Variants in PRKCH observed in about 807,000 individuals in gnomAD.
The protein encoded by PRKCH is protein kinase C eta type.
Under a neutral mutation model 82.5 loss-of-function variants are expected in PRKCH, and 28 were observed. The observed-to-expected ratio is 0.34, with a 90% CI of 0.25 to 0.47. The LOEUF is 0.47. PRKCH is among the 20% of genes least tolerant of loss of function. The pLI, the probability that PRKCH is intolerant of heterozygous loss-of-function variation, is 1.00. For synonymous variants in PRKCH, 322 were observed against 327.4 expected (o/e 0.98, Z 0.18); for missense variants, 705 against 881.8 (o/e 0.80, Z 2.54).
intron 1 of PRKCH, among the ~76,000 whole-genome samples, chr14:61,352,457 G>A (rs2046090147): frequency 6.6e-6 from 1 of 152,028 alleles, no homozygotes; most frequent in African/African-American, 2.4e-5. Flanking sequence ...GAGGGCAGGG[G>A]TTCAAGACCA....
chr14:61,339,324 CT>C (rs763833426), intron 1 of PRKCH, among the ~76,000 whole-genome samples: 409 of 143,472 alleles, frequency 2.9e-3, no homozygotes, highest in Middle Eastern at 0.011. Context: ...TTAATTGTAA[CT>C]TTTTTTTTTT....
intron 12 of PRKCH, among the ~76,000 whole-genome samples, chr14:61,547,055 T>G (rs1208117904): frequency 6.6e-6 from 1 of 152,224 alleles, no homozygotes; most frequent in Non-Finnish European, 1.5e-5. Flanking sequence ...AGCGCTCGTT[T>G]TAGTTTTTGG....
intron 1 of PRKCH, among the ~76,000 whole-genome samples, chr14:61,389,751 A>G (rs2046646888): frequency 6.6e-6 from 1 of 152,100 alleles, no homozygotes; most frequent in East Asian, 1.9e-4. Context: ...TAGACTTTTC[A>G]GATTGGAAGA....
At chr14:61,446,754 A>G (rs2140281136) in intron 4 of PRKCH, among the ~76,000 whole-genome samples, 1 of 152,376 alleles carries the variant, frequency 6.6e-6, no homozygotes, top group East Asian at 1.9e-4. Context: ...ACTTTGTGGC[A>G]TGGGCCTGTG....
chr14:61,475,704 A>T (rs1021778313), intron 9 of PRKCH, among the ~76,000 whole-genome samples: 11 of 152,270 alleles, frequency 7.2e-5, no homozygotes, highest in Non-Finnish European at 1.5e-4. Context: ...TCAGGAAATA[A>T]TATGCAATAT....
chr14:61,502,623 A>G (rs1886967725), intron 10 of PRKCH, among the ~76,000 whole-genome samples: 1 of 152,144 alleles, frequency 6.6e-6, no homozygotes, highest in Non-Finnish European at 1.5e-5. Context: ...CTTCTGTTGT[A>G]CAGAGTGGAC....
intron 9 of PRKCH, chr14:61,477,118 A>C (rs1344383510): frequency 6.6e-6 from 1 of 152,212 alleles, no homozygotes; most frequent in African/African-American, 2.4e-5. Flanking sequence ...GGAGAAGTTC[A>C]ACACTGCTAT....
intron 1 of PRKCH, among the ~76,000 whole-genome samples, chr14:61,380,133 A>G (rs2046482942): frequency 6.6e-6 from 1 of 152,002 alleles, no homozygotes; most frequent in Admixed American, 6.6e-5. Flanking sequence ...ATCGTGGTTC[A>G]TTGCAGCCTT....
intron 10 of PRKCH, among the ~76,000 whole-genome samples, chr14:61,507,294 C>CAAGG: frequency 6.6e-6 from 1 of 152,190 alleles, no homozygotes; most frequent in South Asian, 2.1e-4. Flanking sequence ...CAAGTGTTGG[C>CAAGG]AAGGGTGTGG....
intron 10 of PRKCH, among the ~76,000 whole-genome samples, chr14:61,513,807 G>A (rs996278560): frequency 6.6e-6 from 1 of 152,060 alleles, no homozygotes; most frequent in African/African-American, 2.4e-5. Context: ...GTTTGCAGAT[G>A]AGCGGCAGTT....
chr14:61,512,810 G>GT (rs775784446), intron 10 of PRKCH, among the ~76,000 whole-genome samples: 2 of 152,046 alleles, frequency 1.3e-5, no homozygotes, highest in Non-Finnish European at 2.9e-5. Flanking sequence ...TGTTTTGGGG[G>GT]TTTTTTAAAT....
intron 1 of PRKCH, among the ~76,000 whole-genome samples, chr14:61,243,972 C>T (rs1182980611): frequency 6.6e-6 from 1 of 150,776 alleles, no homozygotes; most frequent in Admixed American, 6.6e-5. Context: ...AATACAGCAA[C>T]ACTTTAGCTT....
At chr14:61,206,755 G>A (rs2044527251) in intron 1 of PRKCH, among the ~76,000 whole-genome samples, 1 of 152,004 alleles carries the variant, frequency 6.6e-6, no homozygotes, top group South Asian at 2.1e-4. Flanking sequence ...GGGAGCAATG[G>A]GGAGTAATCT....
chr14:61,449,407 A>C (rs949153887), intron 5 of PRKCH, among the ~76,000 whole-genome samples, 155 bp downstream of exon 5: 2 of 145,766 alleles, frequency 1.4e-5, no homozygotes, highest in African/African-American at 5.1e-5. Flanking sequence ...TCCCTTCCAC[A>C]TTCTTTGAAG....
At chr14:61,214,856 A>C (rs1466886359) in intron 1 of PRKCH, among the ~76,000 whole-genome samples, 2 of 152,194 alleles carry the variant, frequency 1.3e-5, no homozygotes, top group Admixed American at 6.5e-5. Flanking sequence ...ATCATTTAAA[A>C]ATCATTGTTT....
chr14:61,486,348 G>T (rs933861526), intron 10 of PRKCH, among the ~76,000 whole-genome samples: 1 of 152,192 alleles, frequency 6.6e-6, no homozygotes, highest in Non-Finnish European at 1.5e-5. Context: ...TGAGCCACTT[G>T]TGAGCAGTGT....
intron 1 of PRKCH, among the ~76,000 whole-genome samples, chr14:61,347,039 T>G (rs1359603991): frequency 2.2e-4 from 33 of 152,204 alleles, no homozygotes; most frequent in Non-Finnish European, 4.4e-5. Context: ...TGTAATCTGT[T>G]CACCGGTGAT....
intron 9 of PRKCH, among the ~76,000 whole-genome samples, chr14:61,482,978 G>T (rs1337221416): frequency 6.6e-6 from 1 of 152,228 alleles, no homozygotes; most frequent in Non-Finnish European, 1.5e-5. Flanking sequence ...CACTGACCCA[G>T]TTCCAGTAGC....
intron 1 of PRKCH, among the ~76,000 whole-genome samples, chr14:61,214,023 A>G (rs2044600633): frequency 1.3e-5 from 2 of 152,182 alleles, no homozygotes; most frequent in African/African-American, 4.8e-5. Context: ...AATTCTAGGA[A>G]TTCTTTAGGC....
Sources: allele counts gnomAD v4.1 joint callset (sites outside exome capture counted in the v4.1 genomes callset), GRCh38; gene constraint gnomAD v4.1.1; transcripts MANE v1.5; gene names NCBI Gene and HGNC (gene_info 2026-07-23, HGNC 2026-07-21).